BRINP3: variants seen among roughly 807,000 people sequenced by gnomAD.
BRINP3 encodes the protein BMP/retinoic acid-inducible neural-specific protein 3.
BRINP3 carries 19 observed loss-of-function variants against 71.0 expected under a neutral mutation model. The observed-to-expected ratio is 0.27, with a 90% CI of 0.19 to 0.39. BRINP3 has a LOEUF of 0.39. BRINP3 is among the 10% of genes least tolerant of loss of function. BRINP3 has a pLI of 1.00. For synonymous variants in BRINP3, 380 were observed against 337.7 expected, an observed-to-expected ratio of 1.13 and a Z score of -1.37; for missense variants, 959 against 940.8, an observed-to-expected ratio of 1.02 and a Z score of -0.25.
intron 2 of BRINP3, among the ~76,000 whole-genome samples, chr1:190,388,250 T>C (rs1209266899): frequency 6.6e-6 from 1 of 151,822 alleles, no homozygotes; most frequent in African/African-American, 2.4e-5. Flanking sequence ...GCCTGCAGCA[T>C]CTGTAGAGAA....
chr1:190,316,612 T>C (rs2103038752), intron 2 of BRINP3, among the ~76,000 whole-genome samples: 1 of 152,276 alleles, frequency 6.6e-6, no homozygotes, highest in South Asian at 2.1e-4. Context: ...ATGAGATTTA[T>C]AATTTTCACA....
chr1:190,155,307 G>A (rs537673169), intron 7 of BRINP3, among the ~76,000 whole-genome samples: 20 of 151,764 alleles, frequency 1.3e-4, no homozygotes, highest in African/African-American at 4.6e-4. Flanking sequence ...TGTTTTAATT[G>A]CTTGCTGCAG....
chr1:190,263,499 G>A (rs1337707276), intron 4 of BRINP3, among the ~76,000 whole-genome samples: 2 of 151,400 alleles, frequency 1.3e-5, no homozygotes, highest in South Asian at 4.2e-4. Flanking sequence ...ATTTTCTCCA[G>A]TACATCCCGA....
chr1:190,112,811 G>A (rs917677964), intron 7 of BRINP3, among the ~76,000 whole-genome samples: 3 of 152,062 alleles, frequency 2.0e-5, no homozygotes, highest in Non-Finnish European at 4.4e-5. Flanking sequence ...AATGCCTAAA[G>A]TTGTTTTGGT....
chr1:190,228,523 G>A (rs554243886), intron 5 of BRINP3, among the ~76,000 whole-genome samples: 1 of 151,992 alleles, frequency 6.6e-6, no homozygotes, highest in South Asian at 2.1e-4. Flanking sequence ...GGAATGATTG[G>A]TGGCAAGAAA....
chr1:190,349,566 A>C (rs777192664), intron 2 of BRINP3, among the ~76,000 whole-genome samples: 2 of 152,074 alleles, frequency 1.3e-5, no homozygotes, highest in Non-Finnish European at 2.9e-5. Flanking sequence ...GGCATATAGA[A>C]GCTAATGTCT....
intron 6 of BRINP3, among the ~76,000 whole-genome samples, chr1:190,188,781 G>A (rs1337552825): frequency 2.0e-5 from 3 of 151,122 alleles, no homozygotes; most frequent in Non-Finnish European, 4.4e-5. Flanking sequence ...TTTTCACATG[G>A]TGGAGTCTTG....
intron 5 of BRINP3, among the ~76,000 whole-genome samples, chr1:190,229,503 G>C (rs1341543722): frequency 6.6e-6 from 1 of 151,880 alleles, no homozygotes; most frequent in Non-Finnish European, 1.5e-5. Context: ...AGACTAATAT[G>C]TTGGGCATAT....
At chr1:190,104,765 T>C (rs923585999) in intron 7 of BRINP3, among the ~76,000 whole-genome samples, 3 of 152,066 alleles carry the variant, frequency 2.0e-5, no homozygotes, top group African/African-American at 7.2e-5. Flanking sequence ...TTAGAACATA[T>C]GTTGATAGAA....
chr1:190,268,364 G>T (rs1020923131), intron 3 of BRINP3, among the ~76,000 whole-genome samples: 4 of 152,018 alleles, frequency 2.6e-5, no homozygotes, highest in South Asian at 4.1e-4. Context: ...CTCCCAAAGT[G>T]CTGGGATTGC....
chr1:190,177,329 AT>A (rs11307442), intron 6 of BRINP3, among the ~76,000 whole-genome samples: 28,935 of 98,948 alleles, frequency 0.29, 2,787 homozygotes, highest in African/African-American at 0.33. Context: ...TGCCTGGATA[AT>A]TTTTTTTTTT....
At chr1:190,279,323 C>G (rs976053738) in intron 3 of BRINP3, among the ~76,000 whole-genome samples, 1 of 151,774 alleles carries the variant, frequency 6.6e-6, no homozygotes, top group Non-Finnish European at 1.5e-5. Context: ...AACTTCAATG[C>G]ATCACATACT....
chr1:190,107,108 G>C (rs1652241173), intron 7 of BRINP3, among the ~76,000 whole-genome samples: 1 of 151,864 alleles, frequency 6.6e-6, no homozygotes, highest in African/African-American at 2.4e-5. Context: ...TTGTAAAATA[G>C]TTTTATTAGA....
At chr1:190,429,010 A>G (rs1242985739) in intron 2 of BRINP3, among the ~76,000 whole-genome samples, 1 of 152,124 alleles carries the variant, frequency 6.6e-6, no homozygotes, top group Non-Finnish European at 1.5e-5. Flanking sequence ...ATGGAGGAAA[A>G]TGTTGAATAC....
At chr1:190,135,690 G>C (rs1379693963) in intron 7 of BRINP3, among the ~76,000 whole-genome samples, 2 of 151,986 alleles carry the variant, frequency 1.3e-5, no homozygotes, top group Non-Finnish European at 2.9e-5. Flanking sequence ...GCATCATGTA[G>C]TCATCTTGAA....
In BRINP3 at chr1:190,152,579, A is replaced by G. The variant is rs578151507; in HGVS notation, c.1184+8089T>C. 3.8e-5 allele frequency among the ~76,000 whole-genome samples: 4 copies of G among 104,874 alleles called. No individual in the cohort carries two copies. The South Asian group carries it at 1.4e-3, about 36-fold the overall frequency. The allele number at this position is 104,874 out of a possible 152,430, so 68.8% of individuals were successfully genotyped here. ...AGCAAAGCCTTTTGACTCTGTTATTATTGTCAAAATCAGCTATCTAAAAAA... is the reference window on the plus strand; with the variant it reads ...AGCAAAGCCTTTTGACTCTGTTATTGTTGTCAAAATCAGCTATCTAAAAAA... On this transcript the variant is annotated intron_variant, in intron 7 of 7. Coordinates refer to ENST00000367462, the MANE Select transcript of BRINP3 (RefSeq NM_199051.3).
chr1:190,099,537 A>G (rs1651510499), intron 7 of BRINP3, among the ~76,000 whole-genome samples: 1 of 152,206 alleles, frequency 6.6e-6, no homozygotes, highest in Non-Finnish European at 1.5e-5. Context: ...TTATCATAAA[A>G]TATCTGTAGG....
intron 7 of BRINP3, among the ~76,000 whole-genome samples, chr1:190,139,451 C>CAAAAAAA (rs11315431): frequency 4.6e-5 from 4 of 87,572 alleles, no homozygotes; most frequent in African/African-American, 8.4e-5. Context: ...GACTCTGTCT[C>CAAAAAAA]AAAAAAAAAA....
intron 2 of BRINP3, among the ~76,000 whole-genome samples, chr1:190,321,156 G>A (rs1666214149): frequency 6.6e-6 from 1 of 152,012 alleles, no homozygotes; most frequent in African/African-American, 2.4e-5. Context: ...CCATCTAGTG[G>A]TCAGAACACT....
Sources: allele counts gnomAD v4.1 joint callset (sites outside exome capture counted in the v4.1 genomes callset), GRCh38; gene constraint gnomAD v4.1.1; transcripts MANE v1.5; gene names NCBI Gene and HGNC (gene_info 2026-07-23, HGNC 2026-07-21).